Variants in FAM149A observed in about 807,000 individuals in gnomAD.
FAM149A encodes protein FAM149A.
FAM149A carries 71 observed loss-of-function variants against 78.2 expected under a neutral mutation model. That is an observed-to-expected ratio of 0.91 (90% CI 0.75 to 1.11). The LOEUF (loss-of-function observed/expected upper bound fraction) is 1.11, where lower values mean the gene tolerates loss of function less well. Ranked by LOEUF, FAM149A falls within the 50% of genes least tolerant of loss-of-function variation. The probability of loss-of-function intolerance (pLI) is 0.00; values close to 1 mark genes in which losing one functional copy is unlikely to be tolerated. For synonymous variants in FAM149A, 446 were observed against 410.5 expected (o/e 1.09, Z -1.04); for missense variants, 1,036 against 971.0 (o/e 1.07, Z -0.89).
At chr4:186,165,240 G>T in intron 10 of FAM149A, 104 bp from the exon 11 acceptor site, 1 of 1,269,132 alleles carries the variant, frequency 7.9e-7, no homozygotes, top group South Asian at 1.3e-5. Flanking sequence ...CCTCCTGTGT[G>T]CCCCTCACGC....
At chr4:186,117,532 C>T in intron 1 of FAM149A, 1 of 985,384 alleles carries the variant, frequency 1.0e-6, no homozygotes, top group Non-Finnish European at 1.2e-6. Context: ...AAAAGTGGGG[C>T]ACATGGACAC....
At position 186,167,037 on chromosome 4, in the gene FAM149A, C is replaced by T. The variant is rs753493432; in HGVS notation, c.2080C>T (p.Arg694Ter). ...TGACGGTACAGAACGATCGCGTCTT[C>T]GAGAAAGAACAGCCACCCTGGAACG... The change falls in exon 12 of 14, where the codon CGA becomes TGA. Residue 694 changes from arginine (R) to a stop codon, truncating the protein, a stop_gained. Coordinates refer to ENST00000389354, the MANE Select transcript of FAM149A (RefSeq NM_001367768.3). LOFTEE classifies it high-confidence loss of function. The T allele has an allele frequency of 6.2e-6, 10 of 1,614,000 alleles. No individual in the cohort carries two copies. Among genetic ancestry groups the T allele is most frequent in the East Asian group, 4.5e-5 (2 of 44,898 alleles).
rs893339348 is a variant in FAM149A, at chr4:186,132,717, C to G, written c.567-16456C>G. Among the ~76,000 whole-genome samples the G allele has an allele frequency of 5.9e-5, 9 of 152,162 alleles. 1 individual carries two copies. Among genetic ancestry groups the G allele is most frequent in the Admixed American group, 5.2e-4 (8 of 15,280 alleles). ...CTTGTCCAGGCTTAGTACATCTGCT[C>G]TTTATGCAAGATAAGGTGAACATAG... On this transcript the variant is annotated intron_variant, in intron 1 of 13. Coordinates refer to ENST00000389354, the MANE Select transcript of FAM149A (RefSeq NM_001367768.3).
chr4:186,167,323 A>G (rs1561419539), intron 13 of FAM149A, 61 bp downstream of exon 13: 5 of 1,411,922 alleles, frequency 3.5e-6, no homozygotes, highest in East Asian at 4.6e-5. Flanking sequence ...AGTTTCAGAC[A>G]GTGAAATGGA....
At chr4:186,111,933 A>G (rs2099311463) in intron 1 of FAM149A, among the ~76,000 whole-genome samples, 1 of 151,794 alleles carries the variant, frequency 6.6e-6, no homozygotes, top group South Asian at 2.1e-4. Context: ...TTCTGTGAAG[A>G]AAGTCATTGG....
chr4:186,154,610 G>A lies in FAM149A; in HGVS notation c.1201G>A (p.Glu401Lys). ...TTACCATGTGGATGGAAAGATTGAG[G>A]AGTATTTCGCTTTTGACAGAAAAGA... The change falls in exon 6 of 14, where the codon GAG becomes AAG. Residue 401 changes from glutamate (E) to lysine (K), a missense_variant. Transcript: ENST00000389354. The A allele has an allele frequency of 3.1e-6, 5 of 1,614,056 alleles. No homozygotes were observed. Among genetic ancestry groups the A allele is most frequent in the Non-Finnish European group, 2.5e-6 (3 of 1,179,986 alleles).
At chr4:186,153,506 A>G in intron 4 of FAM149A, 139 bp from the exon 5 acceptor site, 1 of 1,481,946 alleles carries the variant, frequency 6.7e-7, no homozygotes. Flanking sequence ...CACTTCTGTG[A>G]TGCGTGATGC....
chr4:186,140,374 T>C (rs995101233), intron 1 of FAM149A, among the ~76,000 whole-genome samples: 7 of 151,338 alleles, frequency 4.6e-5, no homozygotes, highest in Admixed American at 1.3e-4. Context: ...TCTCCGGGGC[T>C]CTAAGTGATC....
Position 186,172,737 on chromosome 4 carries a change from G to A in FAM149A, c.*750G>A, listed in dbSNP as rs1212042759. On this transcript the variant is annotated 3_prime_UTR_variant, in exon 14 of 14. Coordinates refer to ENST00000389354, the MANE Select transcript of FAM149A (RefSeq NM_001367768.3). ...GAGGGGAGCCTCCCACCCTCCACGT[G>A]CCATCAGGAGCTGGCCTTTGCCCAG... 1 of 111,866 alleles carries A rather than the reference G, an allele frequency of 8.9e-6. No homozygotes were observed. The highest frequency in any genetic ancestry group is 8.7e-5 in the Admixed American group (1 of 11,488). 6.9% of individuals were successfully genotyped at this position (111,866 alleles called of 1,614,324 possible). A position where few individuals can be genotyped will look rare whatever the true frequency, so the allele number is the denominator to read the frequency against.
chr4:186,139,982 A>G (rs2099325111), intron 1 of FAM149A, among the ~76,000 whole-genome samples: 1 of 152,254 alleles, frequency 6.6e-6, no homozygotes, highest in African/African-American at 2.4e-5. Flanking sequence ...CACCTAACAA[A>G]AAAAACCACT....
In FAM149A at chr4:186,104,885, G is replaced by A. The variant is rs1356654691; in HGVS notation, c.-192G>A. 12 of 878,738 alleles carry A rather than the reference G, an allele frequency of 1.4e-5. No individual in the cohort carries two copies. The allele number at this position is 878,738 out of a possible 1,614,324, so 54.4% of individuals were successfully genotyped here. On this transcript the variant is annotated 5_prime_UTR_variant, in exon 1 of 14. Coordinates refer to ENST00000389354, the MANE Select transcript of FAM149A (RefSeq NM_001367768.3). ...CCGCAGCCGGGGCGCTCGGCGGACG[G>A]ACCCGGGCCGGGGAAGGGCGACCCC... is the stretch of plus-strand genomic sequence containing the variant.
intron 1 of FAM149A, among the ~76,000 whole-genome samples, chr4:186,135,809 A>G (rs1378507456): frequency 1.3e-5 from 2 of 152,232 alleles, no homozygotes; most frequent in African/African-American, 4.8e-5. Context: ...AGCACTGAAT[A>G]GACCCACAAA....
Position 186,168,100 on chromosome 4 carries a change from A to G in FAM149A, c.2218+838A>G, listed in dbSNP as rs988295933. 4.6e-5 allele frequency among the ~76,000 whole-genome samples: 7 copies of G among 152,340 alleles called. No individual in the cohort carries two copies. The East Asian group carries it at 1.4e-3, about 29-fold the overall frequency. ...TAATTCTAAAAATAAATTTCGTAAC[A>G]TGTAAGCATTGCGTAGCACAGATCT... On this transcript the variant is annotated intron_variant, in intron 13 of 13. Coordinates refer to ENST00000389354, the MANE Select transcript of FAM149A (RefSeq NM_001367768.3).
chr4:186,136,733 T>C (rs997422911), intron 1 of FAM149A, among the ~76,000 whole-genome samples: 5 of 152,144 alleles, frequency 3.3e-5, no homozygotes, highest in African/African-American at 1.2e-4. Context: ...CTTTAGCGTC[T>C]CTGTATGATT....
chr4:186,131,917 G>A lies in FAM149A; in HGVS notation c.567-17256G>A, dbSNP rs115518673. On this transcript the variant is annotated intron_variant, in intron 1 of 13. Transcript: ENST00000389354. Reference sequence around the variant, plus strand: ...GAAGGTTTTAAATGACCCCAAACAAGCTTTGTAAGGCCAGCTAGCCCTTTA... The same window carrying A: ...GAAGGTTTTAAATGACCCCAAACAAACTTTGTAAGGCCAGCTAGCCCTTTA... 5.1e-4 allele frequency: 504 copies of A among 985,414 alleles called. 1 individual carries two copies. The African/African-American group carries it at 8.3e-3, about 16-fold the overall frequency. 61.0% of individuals were successfully genotyped at this position (985,414 alleles called of 1,614,324 possible).
intron 1 of FAM149A, chr4:186,118,459 T>C (rs2099314635): frequency 6.5e-6 from 1 of 152,894 alleles, no homozygotes; most frequent in East Asian, 1.9e-4. Flanking sequence ...ACATTTGGAT[T>C]CACATTTTGA....
At position 186,105,590 on chromosome 4, in the gene FAM149A, C is replaced by A; in HGVS notation, c.514C>A (p.Pro172Thr). 1 of 1,058,484 alleles carries A rather than the reference C, an allele frequency of 9.4e-7. No homozygotes were observed. The highest frequency in any genetic ancestry group is 1.1e-6 in the Non-Finnish European group (1 of 870,834). The allele number at this position is 1,058,484 out of a possible 1,614,324, so 65.6% of individuals were successfully genotyped here. A position where few individuals can be genotyped will look rare whatever the true frequency, so the allele number is the denominator to read the frequency against. Residue 172 changes from proline (P) to threonine (T), a missense_variant, in exon 1 of 14, where the codon CCT (proline) becomes ACT (threonine). By Grantham distance (38) the Pro-to-Thr change is conservative. Transcript: ENST00000389354. The stretch of plus-strand genomic sequence containing the variant: ...CCCCAGAACCCTGTTCCTTACGCTG[C>A]CTGACATCGGCGAGGAGGGGGCCTC...
chr4:186,130,314 T>TATATATATATA (rs141900902), intron 1 of FAM149A, among the ~76,000 whole-genome samples: 1 of 116,452 alleles, frequency 8.6e-6, no homozygotes. Flanking sequence ...TATATATATA[T>TATATATATATA]AATCTATATC....
chr4:186,106,521 C>T (rs1016977623), intron 1 of FAM149A, among the ~76,000 whole-genome samples: 1 of 152,106 alleles, frequency 6.6e-6, no homozygotes, highest in African/African-American at 2.4e-5. Flanking sequence ...GAGGTTTCTG[C>T]ATTGTAATCT....
Sources: gnomAD v4.1 joint callset for allele counts (sites outside exome capture counted in the v4.1 genomes callset) on GRCh38, gnomAD v4.1.1 for gene constraint, MANE v1.5 for transcripts, NCBI Gene and HGNC (gene_info 2026-07-23, HGNC 2026-07-21) for gene names.